The following FBXO15 variants were observed in gnomAD, a reference collection of about 807,000 sequenced individuals.
FBXO15 encodes the protein F-box protein 15, also known as F-box only protein 15.
Under a neutral mutation model 49.5 loss-of-function variants are expected in FBXO15, and 30 were observed. The ratio of observed to expected loss-of-function variants is 0.61; its 90% CI spans 0.45 to 0.82. FBXO15 has a LOEUF of 0.82. Ranked by LOEUF, FBXO15 falls within the 40% of genes least tolerant of loss-of-function variation. The probability of loss-of-function intolerance (pLI) is 0.00; values close to 1 mark genes in which losing one functional copy is unlikely to be tolerated. For synonymous variants in FBXO15, 250 were observed against 232.7 expected (o/e 1.07, Z -0.68); for missense variants, 591 against 631.5 (o/e 0.94, Z 0.69).
chr18:74,113,228 T>C (rs964914674), intron 8 of FBXO15, among the ~76,000 whole-genome samples: 3 of 152,080 alleles, frequency 2.0e-5, no homozygotes, highest in African/African-American at 4.8e-5. Flanking sequence ...TCCAACCATA[T>C]GATATTCTAA....
chr18:74,126,125 G>C (rs886155978), intron 5 of FBXO15, 24 bp from the exon 6 acceptor site: 3 of 1,612,032 alleles, frequency 1.9e-6, no homozygotes, highest in Non-Finnish European at 2.5e-6. Context: ...GCCAAGGAAA[G>C]GAGAGAGAGA....
rs113921499 is a variant in FBXO15, at chr18:74,147,807, G to A, written c.-22C>T. The A allele has an allele frequency of 6.6e-6, 10 of 1,504,664 alleles. No homozygotes were observed. Among genetic ancestry groups the A allele is most frequent in the African/African-American group, 5.7e-5 (4 of 70,134 alleles). The allele number at this position is 1,504,664 out of a possible 1,614,324, so 93.2% of individuals were successfully genotyped here. The stretch of plus-strand genomic sequence containing the variant: ...CCATAGAGACAAGGAGTTCACCACA[G>A]GACCGCGCCAGGGCTGAAACGAAGA... On this transcript the variant is annotated 5_prime_UTR_variant, in exon 1 of 10. Transcript: ENST00000419743.
At chr18:74,089,600 C>T (rs2097067) in intron 8 of FBXO15, among the ~76,000 whole-genome samples, 34,140 of 151,958 alleles carry the variant, frequency 0.22, 5,048 homozygotes, top group African/African-American at 0.4. Flanking sequence ...TCCTTCAATG[C>T]CTAGTTTCTT....
intron 3 of FBXO15, among the ~76,000 whole-genome samples, chr18:74,133,569 T>C (rs924077030): frequency 1.3e-5 from 2 of 152,230 alleles, no homozygotes; most frequent in African/African-American, 4.8e-5. Flanking sequence ...TCATCTCTTA[T>C]TAGATCATTG....
chr18:74,137,046 T>C (rs9951841), intron 2 of FBXO15, among the ~76,000 whole-genome samples: 40,520 of 152,154 alleles, frequency 0.27, 7,996 homozygotes, highest in African/African-American at 0.55. Context: ...AAAGTAGATC[T>C]TCAGAAAAAA....
chr18:74,129,324 T>C, intron 5 of FBXO15, 81 bp downstream of exon 5: 1 of 1,276,266 alleles, frequency 7.8e-7, no homozygotes, highest in Non-Finnish European at 1.1e-6. Flanking sequence ...GCTGCTCTTA[T>C]TTTTTAATTA....
At chr18:74,090,153 T>A (rs1912954356) in intron 8 of FBXO15, among the ~76,000 whole-genome samples, 1 of 152,188 alleles carries the variant, frequency 6.6e-6, no homozygotes, top group East Asian at 1.9e-4. Context: ...TGGGAGGGTG[T>A]ATGCGCCCAG....
intron 8 of FBXO15, among the ~76,000 whole-genome samples, chr18:74,088,339 T>C (rs1912841442): frequency 6.6e-6 from 1 of 152,232 alleles, no homozygotes; most frequent in Non-Finnish European, 1.5e-5. Flanking sequence ...TTTTAGGTTT[T>C]ACATTTCAGT....
intron 2 of FBXO15, 71 bp downstream of exon 2, chr18:74,140,131 G>C: frequency 7.8e-7 from 1 of 1,284,944 alleles, no homozygotes; most frequent in Non-Finnish European, 1.1e-6. Flanking sequence ...GGTATATACA[G>C]CATCATAACT....
chr18:74,145,850 C>T (rs1252534980), intron 1 of FBXO15, among the ~76,000 whole-genome samples: 3 of 152,048 alleles, frequency 2.0e-5, no homozygotes, highest in Non-Finnish European at 4.4e-5. Flanking sequence ...TGCCCGCCTC[C>T]GCCTCCCAAA....
chr18:74,089,191 T>C lies in FBXO15; in HGVS notation c.1139-7140A>G, dbSNP rs111847508. ...TTGTTCCCCTAGGTATTTTATTCTTTTTGTGGCAATTGTGAATGTGAATGT... is the reference window on the plus strand; with the variant it reads ...TTGTTCCCCTAGGTATTTTATTCTTCTTGTGGCAATTGTGAATGTGAATGT... On this transcript the variant is annotated intron_variant, in intron 8 of 9. Coordinates refer to ENST00000419743, the MANE Select transcript of FBXO15 (RefSeq NM_001142958.2). 2.3e-3 allele frequency among the ~76,000 whole-genome samples: 349 copies of C among 152,314 alleles called. 1 individual carries two copies. The highest frequency in any genetic ancestry group is 8.1e-3 in the African/African-American group (335 of 41,570).
At chr18:74,079,734 T>A (rs371041847) in intron 9 of FBXO15, among the ~76,000 whole-genome samples, 1 of 152,218 alleles carries the variant, frequency 6.6e-6, no homozygotes, top group East Asian at 1.9e-4. Context: ...AAAGATACTT[T>A]CCACCTGAAT....
chr18:74,095,884 A>G (rs1913249280), intron 8 of FBXO15, among the ~76,000 whole-genome samples: 2 of 152,206 alleles, frequency 1.3e-5, no homozygotes. Context: ...GCACAATGCT[A>G]AGATTATCAC....
At chr18:74,100,477 T>C (rs777387980) in intron 8 of FBXO15, among the ~76,000 whole-genome samples, 3 of 151,486 alleles carry the variant, frequency 2.0e-5, no homozygotes, top group Non-Finnish European at 2.9e-5. Context: ...AAAGCACAAA[T>C]AGACAATCTA....
intron 1 of FBXO15, among the ~76,000 whole-genome samples, chr18:74,142,684 T>C (rs536557936): frequency 1.3e-5 from 2 of 152,272 alleles, no homozygotes; most frequent in African/African-American, 4.8e-5. Context: ...ATCATTCATA[T>C]TGCACTTAGG....
intron 8 of FBXO15, among the ~76,000 whole-genome samples, chr18:74,093,269 G>GGGGC (rs1568161199): frequency 6.7e-6 from 1 of 149,464 alleles, no homozygotes; most frequent in African/African-American, 2.5e-5. Context: ...ACAATGGGGG[G>GGGGC]GGGGTGGCTG....
chr18:74,100,126 A>G (rs554905395), intron 8 of FBXO15: 5 of 152,308 alleles, frequency 3.3e-5, no homozygotes, highest in Admixed American at 2.6e-4. Flanking sequence ...TCTATTCATC[A>G]GTGCATGGAA....
At chr18:74,141,968 G>C (rs911950575) in intron 1 of FBXO15, among the ~76,000 whole-genome samples, 2 of 152,074 alleles carry the variant, frequency 1.3e-5, no homozygotes, top group Non-Finnish European at 2.9e-5. Flanking sequence ...TACAGGGTAG[G>C]CCCTCCACAA....
chr18:74,102,423 A>G (rs1167136459), intron 8 of FBXO15, among the ~76,000 whole-genome samples: 2 of 152,230 alleles, frequency 1.3e-5, no homozygotes, highest in Non-Finnish European at 2.9e-5. Flanking sequence ...TACTCCTGCA[A>G]GAAAGGCCAT....
Sources: gnomAD v4.1 joint callset for allele counts (sites outside exome capture counted in the v4.1 genomes callset) on GRCh38, gnomAD v4.1.1 for gene constraint, MANE v1.5 for transcripts, NCBI Gene and HGNC (gene_info 2026-07-23, HGNC 2026-07-21) for gene names.